The following GTF2F2 variants were observed in gnomAD, a reference collection of about 807,000 sequenced individuals.
GTF2F2 encodes general transcription factor IIF subunit 2.
A neutral mutation model predicts 42.2 loss-of-function variants in GTF2F2; 23 were observed. The observed-to-expected ratio is 0.55, with a 90% CI of 0.39 to 0.77. GTF2F2 has a LOEUF of 0.77. GTF2F2 is among the 30% of genes least tolerant of loss of function. GTF2F2 has a pLI of 0.00. For synonymous variants in GTF2F2, 105 were observed against 100.8 expected (o/e 1.04, Z -0.25); for missense variants, 261 against 287.2 (o/e 0.91, Z 0.66).
chr13:45,254,405 T>G (rs1489937349), intron 6 of GTF2F2, among the ~76,000 whole-genome samples: 1 of 152,268 alleles, frequency 6.6e-6, no homozygotes, highest in Non-Finnish European at 1.5e-5. Context: ...GACTTTTTTA[T>G]TGTTGTGTAT....
intron 5 of GTF2F2, among the ~76,000 whole-genome samples, chr13:45,220,346 A>G (rs1874056942): frequency 6.6e-6 from 1 of 152,244 alleles, no homozygotes; most frequent in African/African-American, 2.4e-5. Context: ...GCAGTGTAAC[A>G]TTAAAAAGCA....
chr13:45,249,283 T>A (rs1210030964), intron 5 of GTF2F2, among the ~76,000 whole-genome samples: 1 of 152,214 alleles, frequency 6.6e-6, no homozygotes, highest in Non-Finnish European at 1.5e-5. Context: ...ACCTTTTTAG[T>A]TTTGAATCAT....
chr13:45,200,480 T>C (rs961716810), intron 4 of GTF2F2, among the ~76,000 whole-genome samples: 4 of 152,170 alleles, frequency 2.6e-5, no homozygotes, highest in Admixed American at 2.6e-4. Flanking sequence ...CTAACTTTTT[T>C]ATCTTTTTGT....
intron 4 of GTF2F2, among the ~76,000 whole-genome samples, chr13:45,153,838 G>A (rs372319977): frequency 6.6e-6 from 1 of 151,808 alleles, no homozygotes; most frequent in Non-Finnish European, 1.5e-5. Context: ...TTGGCCAGGC[G>A]TGGTGGCAGG....
intron 4 of GTF2F2, among the ~76,000 whole-genome samples, chr13:45,191,220 AAAAAATATATATATATATATAT>A (rs1872614246): frequency 1.3e-5 from 1 of 75,218 alleles, no homozygotes; most frequent in African/African-American, 1.3e-4. Flanking sequence ...AAATACAAAA[AAAAAATATATATATATATATAT>A]ATATATATAT....
At chr13:45,132,466 C>T (rs1250565589) in intron 1 of GTF2F2, among the ~76,000 whole-genome samples, 2 of 151,310 alleles carry the variant, frequency 1.3e-5, no homozygotes, top group African/African-American at 4.9e-5. Context: ...GTTTTTGCCA[C>T]ATCGGCCTCT....
intron 5 of GTF2F2, among the ~76,000 whole-genome samples, chr13:45,233,819 G>A (rs1253083504): frequency 2.6e-5 from 4 of 152,014 alleles, no homozygotes; most frequent in African/African-American, 9.7e-5. Flanking sequence ...AGGCTGAGGT[G>A]GGAGGATCAC....
intron 5 of GTF2F2, among the ~76,000 whole-genome samples, chr13:45,240,712 C>T (rs1346413512): frequency 6.6e-6 from 1 of 151,918 alleles, no homozygotes; most frequent in East Asian, 1.9e-4. Flanking sequence ...CCTGTAATCC[C>T]AGCTACTCAG....
chr13:45,235,022 G>A lies in GTF2F2; in HGVS notation c.387-17849G>A, dbSNP rs1420693294. Among the ~76,000 whole-genome samples, 19 of 121,742 alleles carry A rather than the reference G, an allele frequency of 1.6e-4. 1 individual carries two copies. The highest frequency in any genetic ancestry group is 5.3e-4 in the African/African-American group (17 of 32,240). The allele number at this position is 121,742 out of a possible 152,430, so 79.9% of individuals were successfully genotyped here. Reference sequence around the variant, plus strand: ...ATTGTGCCATTGCACTCCAGCCTGGGCAACAAGAGCGGGAAACTCAAAAAA... The same window carrying A: ...ATTGTGCCATTGCACTCCAGCCTGGACAACAAGAGCGGGAAACTCAAAAAA... On this transcript the variant is annotated intron_variant, in intron 5 of 7. Transcript: ENST00000340473.
intron 7 of GTF2F2, among the ~76,000 whole-genome samples, chr13:45,281,521 A>C (rs888954107): frequency 3.3e-5 from 5 of 152,212 alleles, no homozygotes; most frequent in Non-Finnish European, 5.9e-5. Context: ...TCAGAACTGG[A>C]AGAACCTTAA....
intron 4 of GTF2F2, among the ~76,000 whole-genome samples, chr13:45,174,887 A>G (rs1159591713): frequency 6.6e-6 from 1 of 152,208 alleles, no homozygotes; most frequent in Non-Finnish European, 1.5e-5. Context: ...CATATGTACA[A>G]TGTATAAGGA....
rs1394040343 is a variant in GTF2F2, at chr13:45,170,879, C to T, written c.304+19048C>T. ...AATGAAAGCCCAGTGAAGGTAGTAG[C>T]AGTGTGATCTGTCATACTGGGAGGG... is the stretch of plus-strand genomic sequence containing the variant. On this transcript the variant is annotated intron_variant, in intron 4 of 7. Coordinates refer to ENST00000340473, the MANE Select transcript of GTF2F2 (RefSeq NM_004128.3). Among the ~76,000 whole-genome samples, 9 of 152,034 alleles carry T rather than the reference C, an allele frequency of 5.9e-5. 1 individual carries two copies. Among genetic ancestry groups the T allele is most frequent in the African/African-American group, 2.2e-4 (9 of 41,466 alleles).
chr13:45,131,610 A>G (rs1869352579), intron 1 of GTF2F2, among the ~76,000 whole-genome samples: 1 of 151,850 alleles, frequency 6.6e-6, no homozygotes, highest in African/African-American at 2.4e-5. Flanking sequence ...GTTTTGCCAT[A>G]AAGAGAGGCA....
Position 45,265,131 on chromosome 13 carries a change from C to T in GTF2F2, c.487-2102C>T, listed in dbSNP as rs561111201. On this transcript the variant is annotated intron_variant, in intron 6 of 7. Coordinates refer to ENST00000340473, the MANE Select transcript of GTF2F2 (RefSeq NM_004128.3). ...AAAATTAGCTGGGCATGGTGGTGCG[C>T]ACCTGTAATCCCAGCTACTCGGGAG... Among the ~76,000 whole-genome samples, 22 of 152,132 alleles carry T rather than the reference C, an allele frequency of 1.4e-4. No individual in the cohort carries two copies. In the South Asian group the frequency reaches 3.9e-3, roughly 27 times the overall value.
chr13:45,266,133 A>G (rs182664393), intron 6 of GTF2F2, among the ~76,000 whole-genome samples: 72 of 152,248 alleles, frequency 4.7e-4, no homozygotes, highest in Non-Finnish European at 9.6e-4. Context: ...TTAAGCTGGC[A>G]TGCATGGAGG....
intron 5 of GTF2F2, among the ~76,000 whole-genome samples, chr13:45,234,063 A>C (rs1874824793): frequency 6.6e-6 from 1 of 152,252 alleles, no homozygotes; most frequent in Admixed American, 6.5e-5. Flanking sequence ...TAAGCAACGC[A>C]GATCATCATA....
intron 3 of GTF2F2, among the ~76,000 whole-genome samples, 193 bp from the exon 4 acceptor site, chr13:45,151,494 G>A (rs1870490125): frequency 6.6e-6 from 1 of 152,082 alleles, no homozygotes; most frequent in African/African-American, 2.4e-5. Context: ...AAGTAGCGGG[G>A]ATTATAGGTG....
At chr13:45,174,519 C>G (rs867216522) in intron 4 of GTF2F2, among the ~76,000 whole-genome samples, 18 of 151,544 alleles carry the variant, frequency 1.2e-4, no homozygotes, top group Admixed American at 7.9e-4. Flanking sequence ...AGCATTTAAG[C>G]CTTTATTCCT....
At chr13:45,135,519 A>G (rs1377375771) in intron 1 of GTF2F2, among the ~76,000 whole-genome samples, 13 of 152,086 alleles carry the variant, frequency 8.5e-5, no homozygotes, top group Admixed American at 3.9e-4. Flanking sequence ...CGGCCTTCCA[A>G]AGTGCTGGGA....
Sources: allele counts gnomAD v4.1 joint callset (sites outside exome capture counted in the v4.1 genomes callset), GRCh38; gene constraint gnomAD v4.1.1; transcripts MANE v1.5; gene names NCBI Gene and HGNC (gene_info 2026-07-23, HGNC 2026-07-21).